Variants in PTPRD observed in about 807,000 individuals in gnomAD.
PTPRD encodes the protein receptor-type tyrosine-protein phosphatase delta.
In PTPRD, 34 loss-of-function variants were observed where a neutral mutation model predicts 214.5. The observed-to-expected ratio is 0.16, with a 90% CI of 0.12 to 0.21. PTPRD has a LOEUF of 0.21. PTPRD is among the 10% of genes least tolerant of loss of function. The pLI is 1.00. For missense variants in PTPRD, 2,545 were observed against 2,398.7 expected (o/e 1.06, Z -1.27); for synonymous variants, 1,128 against 845.7 (o/e 1.33, Z -5.79).
intron 12 of PTPRD, among the ~76,000 whole-genome samples, chr9:8,640,697 A>T (rs913767149): frequency 3.3e-5 from 5 of 149,926 alleles, no homozygotes; most frequent in Admixed American, 6.7e-5. Flanking sequence ...AAAAAAAAAA[A>T]TACATATATA....
chr9:9,988,349 T>C (rs1267588599), intron 4 of PTPRD, among the ~76,000 whole-genome samples: 1 of 152,188 alleles, frequency 6.6e-6, no homozygotes, highest in African/African-American at 2.4e-5. Flanking sequence ...AAGTTCAGAC[T>C]TGAAAACTGT....
chr9:9,449,850 T>G (rs937290182), intron 8 of PTPRD, among the ~76,000 whole-genome samples: 4 of 151,932 alleles, frequency 2.6e-5, no homozygotes, highest in Non-Finnish European at 5.9e-5. Flanking sequence ...CAGTGTACAC[T>G]ATATACAATG....
chr9:9,997,311 G>A (rs1555448196), intron 4 of PTPRD, among the ~76,000 whole-genome samples: 1 of 145,204 alleles, frequency 6.9e-6, no homozygotes. Flanking sequence ...TTGAGACAGA[G>A]TTTCACTCTT....
At chr9:10,558,668 AG>A (rs2063163325) in intron 2 of PTPRD, among the ~76,000 whole-genome samples, 1 of 152,138 alleles carries the variant, frequency 6.6e-6, no homozygotes, top group South Asian at 2.1e-4. Flanking sequence ...TTCTTCCCAA[AG>A]GGGGGAGTTT....
At chr9:9,650,361 G>A (rs112903951) in intron 7 of PTPRD, among the ~76,000 whole-genome samples, 5 of 152,276 alleles carry the variant, frequency 3.3e-5, no homozygotes, top group African/African-American at 1.2e-4. Flanking sequence ...CTAATGCAGT[G>A]ATGAATCACA....
intron 39 of PTPRD, among the ~76,000 whole-genome samples, chr9:8,375,011 C>T (rs1359787533): frequency 4.0e-5 from 6 of 151,756 alleles, no homozygotes; most frequent in African/African-American, 9.7e-5. Context: ...AAGTGATTTA[C>T]GATAGATGCT....
intron 10 of PTPRD, among the ~76,000 whole-genome samples, chr9:9,088,837 T>A (rs1254932371): frequency 2.6e-5 from 4 of 152,138 alleles, no homozygotes; most frequent in Non-Finnish European, 4.4e-5. Flanking sequence ...ACTTCATAGC[T>A]ATAGTTTAGC....
intron 7 of PTPRD, among the ~76,000 whole-genome samples, chr9:9,696,682 C>T (rs2097380543): frequency 6.6e-6 from 1 of 152,026 alleles, no homozygotes; most frequent in Non-Finnish European, 1.5e-5. Flanking sequence ...AACTTATAGT[C>T]TATGTGTGTC....
At chr9:9,543,788 C>A (rs1010282478) in intron 8 of PTPRD, among the ~76,000 whole-genome samples, 1 of 151,640 alleles carries the variant, frequency 6.6e-6, no homozygotes, top group Non-Finnish European at 1.5e-5. Context: ...GTGTTGCACA[C>A]TTGATTTTTC....
chr9:9,639,834 T>C (rs978019871), intron 7 of PTPRD, among the ~76,000 whole-genome samples: 4 of 152,186 alleles, frequency 2.6e-5, no homozygotes, highest in African/African-American at 9.6e-5. Flanking sequence ...ATTAACTCTT[T>C]GGTGATCTTA....
chr9:9,019,338 ACGAAAG>A (rs1400254880), intron 10 of PTPRD, among the ~76,000 whole-genome samples: 14 of 21,096 alleles, frequency 6.6e-4, no homozygotes, highest in Non-Finnish European at 1.4e-3. Context: ...GAAAGAAAGA[ACGAAAG>A]AAAGAAAGAA....
intron 2 of PTPRD, among the ~76,000 whole-genome samples, chr9:10,581,974 T>G (rs1158300020): frequency 1.3e-5 from 2 of 152,102 alleles, no homozygotes; most frequent in African/African-American, 2.4e-5. Context: ...AATTAAGCAT[T>G]TATGCTATTC....
At chr9:9,549,629 T>C (rs1391125547) in intron 8 of PTPRD, among the ~76,000 whole-genome samples, 2 of 152,216 alleles carry the variant, frequency 1.3e-5, no homozygotes, top group Non-Finnish European at 1.5e-5. Context: ...AAAACACTTA[T>C]ACAAAATTGT....
intron 3 of PTPRD, among the ~76,000 whole-genome samples, chr9:10,148,537 G>T (rs939880998): frequency 6.6e-6 from 1 of 152,166 alleles, no homozygotes; most frequent in Admixed American, 6.6e-5. Flanking sequence ...AAGATACAAG[G>T]AAAGCAAATA....
intron 14 of PTPRD, among the ~76,000 whole-genome samples, chr9:8,543,896 G>C (rs2079139369): frequency 6.6e-6 from 1 of 151,998 alleles, no homozygotes; most frequent in Non-Finnish European, 1.5e-5. Context: ...ATTTTTAGTA[G>C]AGACGGGGTT....
intron 3 of PTPRD, among the ~76,000 whole-genome samples, chr9:10,072,572 C>A (rs191176975): frequency 1.3e-5 from 2 of 152,224 alleles, no homozygotes; most frequent in East Asian, 1.9e-4. Context: ...GCTTTTATTA[C>A]CTTATTTGTC....
intron 5 of PTPRD, among the ~76,000 whole-genome samples, chr9:9,811,455 C>T (rs1232008758): frequency 2.0e-5 from 3 of 152,116 alleles, no homozygotes; most frequent in African/African-American, 7.2e-5. Context: ...GGCCTGTAAT[C>T]CCAGCACTTT....
chr9:8,587,275 CATGTT>C (rs2093738036), intron 14 of PTPRD, among the ~76,000 whole-genome samples: 4 of 152,166 alleles, frequency 2.6e-5, no homozygotes, highest in Admixed American at 2.6e-4. Flanking sequence ...GCACTAGTGA[CATGTT>C]ATGACAACTG....
At chr9:10,566,424 G>C (rs771134056) in intron 2 of PTPRD, among the ~76,000 whole-genome samples, 32 of 151,914 alleles carry the variant, frequency 2.1e-4, no homozygotes, top group Admixed American at 7.2e-4. Context: ...GTAATATTTA[G>C]TATTGTTAGA....
Sources: gnomAD v4.1 joint callset for allele counts (sites outside exome capture counted in the v4.1 genomes callset) on GRCh38, gnomAD v4.1.1 for gene constraint, MANE v1.5 for transcripts, NCBI Gene and HGNC (gene_info 2026-07-23, HGNC 2026-07-21) for gene names.